GPM6A: variants seen among roughly 807,000 people sequenced by gnomAD.
GPM6A encodes glycoprotein M6A.
GPM6A carries 7 observed loss-of-function variants against 32.1 expected under a neutral mutation model. The observed-to-expected ratio is 0.22, with a 90% CI of 0.12 to 0.41. GPM6A has a LOEUF of 0.41. Ranked by LOEUF, GPM6A falls within the 10% of genes least tolerant of loss-of-function variation. The probability of loss-of-function intolerance (pLI) is 1.00; values close to 1 mark genes in which losing one functional copy is unlikely to be tolerated. For synonymous variants in GPM6A, 130 were observed against 123.4 expected (o/e 1.05, Z -0.35); for missense variants, 235 against 347.2 (o/e 0.68, Z 2.57).
At position 175,665,921 on chromosome 4, in the gene GPM6A, C is replaced by T. The variant is rs1000499743; in HGVS notation, c.387+7759G>A. Among the ~76,000 whole-genome samples the T allele has an allele frequency of 6.7e-4, 93 of 139,844 alleles. 1 individual carries two copies. The highest frequency in any genetic ancestry group is 7.2e-3 in the Middle Eastern group (2 of 276). The allele number at this position is 139,844 out of a possible 152,430, so 91.7% of individuals were successfully genotyped here. On this transcript the variant is annotated intron_variant, in intron 3 of 6. Transcript: ENST00000393658. Reference sequence around the variant, plus strand: ...ATACTGTAAATGTCTGAAAAATGTACTTTTTTTTTTTTTTTGAGACAGAGT... The same window carrying T: ...ATACTGTAAATGTCTGAAAAATGTATTTTTTTTTTTTTTTTGAGACAGAGT...
intron 1 of GPM6A, among the ~76,000 whole-genome samples, chr4:175,933,041 A>G (rs1377346342): frequency 6.6e-6 from 1 of 152,104 alleles, no homozygotes; most frequent in African/African-American, 2.4e-5. Context: ...ACACAACTAT[A>G]TACTTTGTAC....
intron 1 of GPM6A, among the ~76,000 whole-genome samples, chr4:175,913,481 G>T (rs1184570355): frequency 6.6e-6 from 1 of 152,120 alleles, no homozygotes; most frequent in Admixed American, 6.6e-5. Flanking sequence ...TCACAACCCT[G>T]CAAAGGTTCC....
intron 6 of GPM6A, among the ~76,000 whole-genome samples, chr4:175,637,266 ATTATATATTATATATT>A (rs1560841856): frequency 2.7e-5 from 1 of 37,314 alleles, no homozygotes; most frequent in Non-Finnish European, 4.5e-5. Context: ...TAAAATATAT[ATTATATATTATATATT>A]ATATAAAATA....
intron 6 of GPM6A, among the ~76,000 whole-genome samples, chr4:175,637,898 T>TAC (rs1221345315): frequency 7.7e-6 from 1 of 130,018 alleles, no homozygotes; most frequent in Non-Finnish European, 1.6e-5. Context: ...TATATATATA[T>TAC]ATACATATAT....
chr4:175,950,129 T>C (rs1005348099), intron 1 of GPM6A, among the ~76,000 whole-genome samples: 1 of 152,196 alleles, frequency 6.6e-6, no homozygotes, highest in Non-Finnish European at 1.5e-5. Flanking sequence ...AACAAAATTA[T>C]ATACACTTTG....
chr4:175,991,902 T>C (rs1446012249), intron 1 of GPM6A, among the ~76,000 whole-genome samples: 1 of 152,156 alleles, frequency 6.6e-6, no homozygotes, highest in Non-Finnish European at 1.5e-5. Context: ...TTTCTAGAAC[T>C]TGTAAAATGA....
intron 1 of GPM6A, among the ~76,000 whole-genome samples, chr4:175,933,746 G>T (rs982036469): frequency 6.6e-6 from 1 of 152,028 alleles, no homozygotes; most frequent in Non-Finnish European, 1.5e-5. Context: ...GGGTTTCACC[G>T]TGCTAGCCAG....
intron 3 of GPM6A, among the ~76,000 whole-genome samples, chr4:175,667,072 T>G (rs922256903): frequency 6.6e-6 from 1 of 152,222 alleles, no homozygotes; most frequent in Non-Finnish European, 1.5e-5. Flanking sequence ...TTAAGTATTC[T>G]GTAAAAACAA....
At chr4:175,660,869 A>G (rs866276482) in intron 3 of GPM6A, among the ~76,000 whole-genome samples, 4 of 152,236 alleles carry the variant, frequency 2.6e-5, no homozygotes, top group South Asian at 2.1e-4. Context: ...TTAGGTTGAC[A>G]GTGTGACACT....
Position 175,894,404 on chromosome 4 carries a change from C to T in GPM6A, c.-22-82155G>A, listed in dbSNP as rs140922417. On this transcript the variant is annotated intron_variant, in intron 1 of 7. Transcript: ENST00000280187. ...AAAGAACAATTGCTCTGCCTTAGCT[C>T]GAAAGACAGAGTCACAAAATATAAA... Among the ~76,000 whole-genome samples, 16 of 152,118 alleles carry T rather than the reference C, an allele frequency of 1.1e-4. No homozygotes were observed. In the East Asian group the frequency reaches 2.5e-3, roughly 24 times the overall value.
chr4:175,677,759 A>G (rs751654335), intron 2 of GPM6A, among the ~76,000 whole-genome samples: 14 of 152,128 alleles, frequency 9.2e-5, no homozygotes, highest in Non-Finnish European at 1.8e-4. Flanking sequence ...CTGCTAAATA[A>G]ATATTTTAGA....
intron 1 of GPM6A, among the ~76,000 whole-genome samples, chr4:175,831,900 G>A (rs949133961): frequency 6.6e-6 from 1 of 151,612 alleles, no homozygotes; most frequent in African/African-American, 2.4e-5. Context: ...TGTATTTTTA[G>A]TAGAGACGGG....
chr4:175,665,675 AGGAGGC>A (rs1579359212), intron 3 of GPM6A, among the ~76,000 whole-genome samples: 1 of 151,626 alleles, frequency 6.6e-6, no homozygotes, highest in East Asian at 2.0e-4. Flanking sequence ...CCAGCTACTC[AGGAGGC>A]TGAAGCCGGA....
chr4:175,646,840 A>G (rs1450786401), intron 4 of GPM6A, among the ~76,000 whole-genome samples: 1 of 152,176 alleles, frequency 6.6e-6, no homozygotes, highest in Non-Finnish European at 1.5e-5. Flanking sequence ...TTACCTCCTT[A>G]TCCCCTAATT....
At chr4:175,815,953 G>A (rs867996785), upstream of GPM6A, among the ~76,000 whole-genome samples, 4 of 152,178 alleles carry the variant, frequency 2.6e-5, no homozygotes, top group African/African-American at 9.6e-5. Flanking sequence ...CCAACCTCAG[G>A]TGATCCGCCT....
At chr4:175,958,007 C>G (rs1191139948) in intron 1 of GPM6A, among the ~76,000 whole-genome samples, 1 of 152,208 alleles carries the variant, frequency 6.6e-6, no homozygotes, top group Non-Finnish European at 1.5e-5. Flanking sequence ...ATTCTCCTGC[C>G]TCAGCCTCCC....
At chr4:175,869,953 T>C (rs1736855816) in intron 1 of GPM6A, among the ~76,000 whole-genome samples, 1 of 152,154 alleles carries the variant, frequency 6.6e-6, no homozygotes, top group African/African-American at 2.4e-5. Context: ...TTACACAAGG[T>C]CACATAGCTA....
intron 4 of GPM6A, among the ~76,000 whole-genome samples, chr4:175,645,614 G>A (rs1579335892): frequency 2.0e-5 from 3 of 152,026 alleles, no homozygotes; most frequent in Non-Finnish European, 4.4e-5. Context: ...CCAGCTCCTC[G>A]GGAGGCTGAG....
rs73006345 is a variant in GPM6A, at chr4:175,744,926, A to G, written c.38-43159T>C. The stretch of plus-strand genomic sequence containing the variant: ...ATTATGTGTATTTATTGCAGGAAAT[A>G]TAAATTGTTAAACATAATAAAAAGA... On this transcript the variant is annotated intron_variant, in intron 1 of 6. Coordinates refer to ENST00000393658, the MANE Select transcript of GPM6A (RefSeq NM_201591.3). 2.8e-3 allele frequency among the ~76,000 whole-genome samples: 425 copies of G among 152,294 alleles called. 3 individuals are homozygous for G. The highest frequency in any genetic ancestry group is 9.6e-3 in the African/African-American group (397 of 41,562).
Sources: gnomAD v4.1 joint callset for allele counts (sites outside exome capture counted in the v4.1 genomes callset) on GRCh38, gnomAD v4.1.1 for gene constraint, MANE v1.5 for transcripts, NCBI Gene and HGNC (gene_info 2026-07-23, HGNC 2026-07-21) for gene names.